The following IGBP1C variants were observed in gnomAD, a reference collection of about 807,000 sequenced individuals.
The protein encoded by IGBP1C is immunoglobulin-binding protein 1 family member C.
At chr17:58,685,294 A>G in the IGBP1C span, among the ~76,000 whole-genome samples, 97,901 of 151,670 alleles carry the variant, frequency 0.65, 32,365 homozygotes, top group African/African-American at 0.78. Context: ...AAATTAGCTG[A>G]GTGTGGTGGT....
the IGBP1C span, among the ~76,000 whole-genome samples, chr17:58,672,633 C>T: frequency 1.3e-5 from 2 of 152,006 alleles, no homozygotes; most frequent in Admixed American, 6.6e-5. Flanking sequence ...TTAGTAGAGA[C>T]GGGGTTTCAC....
chr17:58,678,267 C>T, the IGBP1C span, among the ~76,000 whole-genome samples: 1 of 152,130 alleles, frequency 6.6e-6, no homozygotes, highest in Non-Finnish European at 1.5e-5. Flanking sequence ...GACAGTGTGG[C>T]GATTCCTCAA....
At chr17:58,688,812 G>C in the IGBP1C span, among the ~76,000 whole-genome samples, 1 of 152,106 alleles carries the variant, frequency 6.6e-6, no homozygotes, top group Non-Finnish European at 1.5e-5. Context: ...ATTCCCGGGG[G>C]GGGTTTGGGA....
chr17:58,684,431 C>T, the IGBP1C span, among the ~76,000 whole-genome samples: 3 of 150,736 alleles, frequency 2.0e-5, no homozygotes, highest in Non-Finnish European at 4.4e-5. Context: ...CATTGCACTC[C>T]AGCCTGGGCA....
chr17:58,681,915 T>C, the IGBP1C span, among the ~76,000 whole-genome samples: 1 of 151,960 alleles, frequency 6.6e-6, no homozygotes, highest in African/African-American at 2.4e-5. Context: ...GAAAAGGTAA[T>C]GTATGTGAAC....
the IGBP1C span, among the ~76,000 whole-genome samples, chr17:58,666,295 C>G: frequency 6.6e-6 from 1 of 151,830 alleles, no homozygotes; most frequent in Non-Finnish European, 1.5e-5. Flanking sequence ...CTGCGGTGAG[C>G]CGAGATTGCT....
chr17:58,690,573 CAT>C, the IGBP1C span, among the ~76,000 whole-genome samples: 2 of 152,108 alleles, frequency 1.3e-5, no homozygotes, highest in East Asian at 3.8e-4. Context: ...GTGGTAATAC[CAT>C]GTTTTTTCTT....
the IGBP1C span, among the ~76,000 whole-genome samples, chr17:58,680,677 A>C: frequency 1.1e-4 from 16 of 152,068 alleles, no homozygotes. Context: ...TGGAGGTTGC[A>C]ATGAGCTGAG....
the IGBP1C span, among the ~76,000 whole-genome samples, chr17:58,668,895 G>C: frequency 1.3e-5 from 2 of 152,144 alleles, no homozygotes; most frequent in African/African-American, 4.8e-5. Flanking sequence ...GAAGCTGTAG[G>C]GTGGAGACAT....
chr17:58,661,754 G>T, the IGBP1C span: 10 of 556,876 alleles, frequency 1.8e-5, no homozygotes, highest in Non-Finnish European at 3.2e-5. Flanking sequence ...GGAAGGCAAC[G>T]GAGTCGGTTG....
At chr17:58,690,730 C>T in the IGBP1C span, among the ~76,000 whole-genome samples, 4 of 152,268 alleles carry the variant, frequency 2.6e-5, no homozygotes, top group East Asian at 7.7e-4. Flanking sequence ...GCCAGTCCTA[C>T]AAGACTTTCT....
chr17:58,673,031 C>A, the IGBP1C span, among the ~76,000 whole-genome samples: 1 of 152,002 alleles, frequency 6.6e-6, no homozygotes, highest in African/African-American at 2.4e-5. Flanking sequence ...CACGCTCAGC[C>A]GGCATTCCTT....
the IGBP1C span, among the ~76,000 whole-genome samples, chr17:58,673,623 G>A: frequency 9.9e-5 from 15 of 151,980 alleles, no homozygotes; most frequent in Admixed American, 4.6e-4. Flanking sequence ...ATGCAGTCAC[G>A]CAATTTCAGC....
the IGBP1C span, among the ~76,000 whole-genome samples, chr17:58,678,640 C>T: frequency 1.3e-5 from 2 of 151,854 alleles, no homozygotes; most frequent in Non-Finnish European, 2.9e-5. Flanking sequence ...CACTTGAACA[C>T]GGGGTGGGGA....
the IGBP1C span, among the ~76,000 whole-genome samples, chr17:58,670,340 T>C: frequency 2.0e-5 from 3 of 151,696 alleles, no homozygotes; most frequent in African/African-American, 7.3e-5. Context: ...CATCTATCTA[T>C]AGGATGTGTG....
At chr17:58,681,950 T>C in the IGBP1C span, among the ~76,000 whole-genome samples, 1 of 152,124 alleles carries the variant, frequency 6.6e-6, no homozygotes, top group African/African-American at 2.4e-5. Flanking sequence ...CACCAAACAA[T>C]TCTTACAACC....
chr17:58,660,682 T>C, the IGBP1C span: 39 of 782,686 alleles, frequency 5.0e-5, no homozygotes, highest in Middle Eastern at 2.3e-4. Flanking sequence ...CTTCCTCCTT[T>C]TCTTGATCTT....
the IGBP1C span, chr17:58,679,426 G>T: frequency 7.0e-6 from 1 of 141,906 alleles, no homozygotes; most frequent in Non-Finnish European, 1.6e-5. Context: ...CCATTAGAAG[G>T]CATCAATCTC....
the IGBP1C span, among the ~76,000 whole-genome samples, chr17:58,669,733 C>CAAAAAAAAAAAAAAAAAAA: frequency 1.8e-5 from 1 of 56,300 alleles, no homozygotes; most frequent in Non-Finnish European, 3.5e-5. Context: ...GACTCCGTCT[C>CAAAAAAAAAAAAAAAAAAA]AAAAAAAAAA....
Sources: allele counts gnomAD v4.1 joint callset (sites outside exome capture counted in the v4.1 genomes callset), GRCh38; gene constraint gnomAD v4.1.1; transcripts MANE v1.5; gene names NCBI Gene and HGNC (gene_info 2026-07-23, HGNC 2026-07-21).